The following RPAP1 variants were observed in gnomAD, a reference collection of about 807,000 sequenced individuals.
The protein encoded by RPAP1 is RNA polymerase II-associated protein 1.
In RPAP1, 109 loss-of-function variants were observed where a neutral mutation model predicts 142.4. That is an observed-to-expected ratio of 0.77 (90% CI 0.66 to 0.90). The LOEUF (loss-of-function observed/expected upper bound fraction) is 0.90, where lower values mean the gene tolerates loss of function less well. Among genes scored for constraint, RPAP1 ranks in the 40% least tolerant of loss-of-function variants. The pLI is 0.00. For synonymous variants in RPAP1, 704 were observed against 738.9 expected, an observed-to-expected ratio of 0.95 and a Z score of 0.77; for missense variants, 1,546 against 1,751.7, an observed-to-expected ratio of 0.88 and a Z score of 2.10.
chr15:41,529,505 G>A lies in RPAP1; in HGVS notation c.1123C>T (p.His375Tyr). The A allele has an allele frequency of 6.2e-7, 1 of 1,613,532 alleles. No individual in the cohort carries two copies. The highest frequency in any genetic ancestry group is 8.5e-7 in the Non-Finnish European group (1 of 1,179,704). ...LLAPDVDLPTHLGLHHHGEEA... is the reference protein window; with the variant it reads ...LLAPDVDLPTYLGLHHHGEEA... ...TCTCCATGGTGGTGCAGACCCAGGT[G>A]GGTGGGCAGGTCCACGTCAGGGGCC... Residue 375 changes from histidine to tyrosine, a missense_variant, in exon 9 of 25, where the codon CAC (histidine) becomes TAC (tyrosine). Around this residue, in one of 3 missense-constraint regions of RPAP1, gnomAD observed 1,333 missense variants for 1,486.6 expected, o/e 0.90. Coordinates refer to ENST00000304330, the MANE Select transcript of RPAP1 (RefSeq NM_015540.4).
In RPAP1 at chr15:41,520,726, C is replaced by A. The variant is rs1297689166; in HGVS notation, c.3460G>T (p.Ala1154Ser). The A allele has an allele frequency of 3.1e-6, 5 of 1,613,978 alleles. No homozygotes were observed. Among genetic ancestry groups the A allele is most frequent in the Non-Finnish European group, 4.2e-6 (5 of 1,180,024 alleles). ...PQALWAVPPA[A>S]RLARLMCVFL... Reference sequence around the variant, plus strand: ...ACACACATGAGCCGTGCCAGGCGGGCAGCAGGGGGCACAGCCCAGAGAGCC... The same window carrying A: ...ACACACATGAGCCGTGCCAGGCGGGAAGCAGGGGGCACAGCCCAGAGAGCC... The change falls in exon 22 of 25, where the codon GCC (alanine) becomes TCC (serine). Residue 1154 changes from alanine (A) to serine (S), a missense_variant. This residue lies in a region of RPAP1 where 1,333 missense variants were observed against 1,486.6 expected (regional missense o/e 0.90). Coordinates refer to ENST00000304330, the MANE Select transcript of RPAP1 (RefSeq NM_015540.4).
At position 41,542,654 on chromosome 15, in the gene RPAP1, T is replaced by C. The variant is rs1357732900; in HGVS notation, c.-77+1565A>G. On this transcript the variant is annotated intron_variant, in intron 1 of 24. Transcript: ENST00000304330. Reference sequence around the variant, plus strand: ...AATCCAGGCTCTGCCATTTACTAACTGTGTAAGCTTAAGCAAGGTATTTTA... The same window carrying C: ...AATCCAGGCTCTGCCATTTACTAACCGTGTAAGCTTAAGCAAGGTATTTTA... Among the ~76,000 whole-genome samples the C allele has an allele frequency of 2.6e-5, 4 of 152,236 alleles. No homozygotes were observed. In the South Asian group the frequency reaches 8.3e-4, roughly 32 times the overall value.
rs994459051 is a variant in RPAP1, at chr15:41,517,742, G to A, written c.4033-51C>T. On this transcript the variant is annotated intron_variant, in intron 24 of 24. Coordinates refer to ENST00000304330, the MANE Select transcript of RPAP1 (RefSeq NM_015540.4). ...AAGTGGGTAATGAGATCCTGTTGTG[G>A]TCTCTGTCCCCCAAGATCCTCTAAT... The A allele has an allele frequency of 3.1e-6, 5 of 1,613,796 alleles. No individual in the cohort carries two copies. The African/African-American group carries it at 4.0e-5, about 13-fold the overall frequency.
At chr15:41,536,327 T>A in intron 3 of RPAP1, 109 bp from the exon 4 acceptor site, 1 of 1,311,354 alleles carries the variant, frequency 7.6e-7, no homozygotes, top group Non-Finnish European at 1.1e-6. Flanking sequence ...TCTGGGGGGT[T>A]ACGGACCCTC....
chr15:41,527,312 G>A lies in RPAP1; in HGVS notation c.1612-11C>T. The A allele has an allele frequency of 6.2e-7, 1 of 1,614,066 alleles. No individual in the cohort carries two copies. The highest frequency in any genetic ancestry group is 8.5e-7 in the Non-Finnish European group (1 of 1,180,010). On this transcript the variant is annotated splice_polypyrimidine_tract_variant and intron_variant, in intron 12 of 24. Transcript: ENST00000304330. ...GGTAGCCAGGAGCCCCTGGGAGTTG[G>A]AGAGAGAAACCCACTGACAAATGCA...
At chr15:41,522,371 C>T in intron 19 of RPAP1, 121 bp from the exon 20 acceptor site, 1 of 910,310 alleles carries the variant, frequency 1.1e-6, no homozygotes, top group Non-Finnish European at 1.7e-6. Context: ...CTCCCTTCCC[C>T]ATGGGACACC....
chr15:41,525,362 G>A (rs1357150349), intron 14 of RPAP1, among the ~76,000 whole-genome samples: 1 of 151,800 alleles, frequency 6.6e-6, no homozygotes, highest in Non-Finnish European at 1.5e-5. Context: ...ATTTTGAGAT[G>A]GAGTCTTGCT....
At chr15:41,541,313 C>T (rs969213629) in intron 1 of RPAP1, among the ~76,000 whole-genome samples, 2 of 151,286 alleles carry the variant, frequency 1.3e-5, no homozygotes, top group African/African-American at 4.9e-5. Context: ...CTCCCAGCTA[C>T]TTGGGAGGCT....
chr15:41,522,455 A>C, intron 19 of RPAP1: 1 of 596,876 alleles, frequency 1.7e-6, no homozygotes, highest in Non-Finnish European at 2.9e-6. Flanking sequence ...CAATGGTGTG[A>C]TCTCAGCTCA....
Position 41,537,152 on chromosome 15 carries a change from A to G in RPAP1, c.-27T>C. The stretch of plus-strand genomic sequence containing the variant: ...TTGCTGCTCCAGCTGCCTCCCCAGT[A>G]CGACTCTCTCCAGCAGTGTCTCCGT... On this transcript the variant is annotated 5_prime_UTR_variant, in exon 2 of 25. Transcript: ENST00000304330. The G allele has an allele frequency of 6.2e-7, 1 of 1,606,108 alleles. No homozygotes were observed. The highest frequency in any genetic ancestry group is 1.7e-5 in the Admixed American group (1 of 58,394).
In RPAP1 at chr15:41,520,554, T is replaced by G. The variant is rs143116680; in HGVS notation, c.3632A>C (p.Tyr1211Ser). The G allele has an allele frequency of 5.9e-5, 95 of 1,613,960 alleles. No individual in the cohort carries two copies. Among genetic ancestry groups the G allele is most frequent in the Non-Finnish European group, 8.1e-5 (95 of 1,180,016 alleles). ...LPGLTSFPDL[Y>S]ANFLDHFEAV... ...CTCAAAATGATCCAGGAAGTTGGCA[T>G]AGAGGTCAGGGAAAGACGTCAGGCC... The change falls in exon 22 of 25, where the codon TAT (tyrosine) becomes TCT (serine). Residue 1211 changes from tyrosine to serine, a missense_variant. Physicochemically the swap from Tyr to Ser is moderately radical, Grantham distance 144. Coordinates refer to ENST00000304330, the MANE Select transcript of RPAP1 (RefSeq NM_015540.4).
At position 41,520,729 on chromosome 15, in the gene RPAP1, C is replaced by G. The variant is rs139091547; in HGVS notation, c.3457G>C (p.Ala1153Pro). The stretch of plus-strand genomic sequence containing the variant: ...CACATGAGCCGTGCCAGGCGGGCAG[C>G]AGGGGGCACAGCCCAGAGAGCCTGG... ...RPQALWAVPP[A>P]ARLARLMCVF... The change falls in exon 22 of 25, where the codon GCT becomes CCT. Residue 1153 changes from alanine to proline, a missense_variant. This residue lies in a region of RPAP1 where 1,333 missense variants were observed against 1,486.6 expected (regional missense o/e 0.90). Coordinates refer to ENST00000304330, the MANE Select transcript of RPAP1 (RefSeq NM_015540.4). 7 of 1,613,804 alleles carry G rather than the reference C, an allele frequency of 4.3e-6. No homozygotes were observed. Among genetic ancestry groups the G allele is most frequent in the Non-Finnish European group, 5.9e-6 (7 of 1,180,022 alleles).
rs2051897218 is a variant in RPAP1, at chr15:41,535,498, C to G, written c.541+14G>C. On this transcript the variant is annotated intron_variant, in intron 5 of 24. Coordinates refer to ENST00000304330, the MANE Select transcript of RPAP1 (RefSeq NM_015540.4). ...TAAAAAGGCCAAGCCCAATCCTCTT[C>G]AACCCCGGCTCACCCTCTGGTGGGC... is the stretch of plus-strand genomic sequence containing the variant. The G allele has an allele frequency of 6.3e-7, 1 of 1,593,062 alleles. No homozygotes were observed. The highest frequency in any genetic ancestry group is 8.5e-7 in the Non-Finnish European group (1 of 1,174,026).
In RPAP1 at chr15:41,534,887, A is replaced by G. The variant is rs772177299; in HGVS notation, c.590T>C (p.Leu197Pro). The G allele has an allele frequency of 3.5e-5, 57 of 1,614,064 alleles. No homozygotes were observed. The highest frequency in any genetic ancestry group is 3.7e-5 in the Non-Finnish European group (44 of 1,180,036). ...CTGAAAGCTGTGGCTGCTCCCAGGA[A>G]GCTGGCAGCCCTGGTTCCTAGGAGT... ...TPTPRNQGCQ[L>P]PGSSHSFQGP... Residue 197 changes from leucine to proline, a missense_variant, in exon 6 of 25, where the codon CTT becomes CCT. Leu to Pro is a moderately conservative substitution (Grantham distance 98, BLOSUM62 -3). Coordinates refer to ENST00000304330, the MANE Select transcript of RPAP1 (RefSeq NM_015540.4).
Position 41,518,108 on chromosome 15 carries a change from G to A in RPAP1, c.3870C>T (p.Thr1290=). The change falls in exon 23 of 25, where the codon ACC becomes ACT. Residue 1290 remains threonine (T), a synonymous_variant. Transcript: ENST00000304330. ...GTGGGCGGAGCGCACCAGTAACCAGGGTCCGGAAGTAGAGCTGAAGGAGGG... is the reference window on the plus strand; with the variant it reads ...GTGGGCGGAGCGCACCAGTAACCAGAGTCCGGAAGTAGAGCTGAAGGAGGG... The part of the protein sequence containing the change: ...NLALLQLYFR[T]LVTGALRPRW... 5.0e-6 allele frequency: 8 copies of A among 1,606,158 alleles called. No homozygotes were observed. The highest frequency in any genetic ancestry group is 5.9e-6 in the Non-Finnish European group (7 of 1,177,906).
rs771269444 is a variant in RPAP1 at position 41,518,198 on chromosome 15, T to C, written c.3796-16A>G. 3 of 1,551,440 alleles carry C rather than the reference T, an allele frequency of 1.9e-6. No homozygotes were observed. Among genetic ancestry groups the C allele is most frequent in the Non-Finnish European group, 2.6e-6 (3 of 1,153,724 alleles). On this transcript the variant is annotated splice_polypyrimidine_tract_variant and intron_variant, in intron 22 of 24. Coordinates refer to ENST00000304330, the MANE Select transcript of RPAP1 (RefSeq NM_015540.4). The stretch of plus-strand genomic sequence containing the variant: ...ACACAGGCAACTGTGACAGGGGAAA[T>C]GACGTGCTGAGGGGGAGGGTAGGAA...
chr15:41,520,304 G>A lies in RPAP1; in HGVS notation c.3795+87C>T, dbSNP rs774512933. ...CCAAGAGGTAAGATGAGGAAGCTGAGGTCTTCCAAAGCTCCTCAAGGCTCA... is the reference window on the plus strand; with the variant it reads ...CCAAGAGGTAAGATGAGGAAGCTGAAGTCTTCCAAAGCTCCTCAAGGCTCA... On this transcript the variant is annotated intron_variant, in intron 22 of 24. Transcript: ENST00000304330. 3 of 1,436,246 alleles carry A rather than the reference G, an allele frequency of 2.1e-6. No homozygotes were observed. The East Asian group carries it at 7.2e-5, about 34-fold the overall frequency. 89.0% of individuals were successfully genotyped at this position (1,436,246 alleles called of 1,614,324 possible).
chr15:41,524,827 G>C (rs1478873287), intron 15 of RPAP1, among the ~76,000 whole-genome samples, 164 bp downstream of exon 15: 1 of 152,124 alleles, frequency 6.6e-6, no homozygotes, highest in African/African-American at 2.4e-5. Flanking sequence ...CTCTTCCCTG[G>C]CTGGGCCTGA....
In RPAP1 at chr15:41,522,250, G is replaced by T. The variant is rs748446092; in HGVS notation, c.2743C>A (p.Leu915Met). ...AQIHKGLCGQ[L>M]AAILAAPGLQ... ...CCCGGGGCAGCCAATATGGCAGCCA[G>T]CTGAGGAAAAGCAATTTTGTTCAGA... Residue 915 changes from leucine to methionine, a missense_variant and splice_region_variant, in exon 20 of 25, where the codon CTG (leucine) becomes ATG (methionine). This residue lies in a region of RPAP1 where 1,333 missense variants were observed against 1,486.6 expected (regional missense o/e 0.90). Coordinates refer to ENST00000304330, the MANE Select transcript of RPAP1 (RefSeq NM_015540.4). 6.2e-7 allele frequency: 1 copy of T among 1,613,556 alleles called. No homozygotes were observed. The highest frequency in any genetic ancestry group is 8.5e-7 in the Non-Finnish European group (1 of 1,179,854).
Sources: allele counts gnomAD v4.1 joint callset (sites outside exome capture counted in the v4.1 genomes callset), GRCh38; gene constraint gnomAD v4.1.1; regional missense constraint gnomAD v4.1.1; transcripts MANE v1.5; gene names NCBI Gene and HGNC (gene_info 2026-07-23, HGNC 2026-07-21).